HPSE2: variants seen among roughly 807,000 people sequenced by gnomAD.
The protein encoded by HPSE2 is inactive heparanase-2.
HPSE2 carries 38 observed loss-of-function variants against 60.5 expected under a neutral mutation model. The ratio of observed to expected loss-of-function variants is 0.63; its 90% CI spans 0.48 to 0.82. HPSE2 has a LOEUF of 0.82. Ranked by LOEUF, HPSE2 falls within the 40% of genes least tolerant of loss-of-function variation. The pLI, the probability that HPSE2 is intolerant of heterozygous loss-of-function variation, is 0.00. For missense variants in HPSE2, 713 were observed against 740.4 expected (o/e 0.96, Z 0.43); for synonymous variants, 295 against 293.2 (o/e 1.01, Z -0.06).
chr10:98,748,864 G>T (rs1165678741), intron 3 of HPSE2, among the ~76,000 whole-genome samples: 2 of 151,944 alleles, frequency 1.3e-5, no homozygotes, highest in East Asian at 3.9e-4. Context: ...GACAAACTGA[G>T]GAGGAAAAGG....
chr10:98,791,583 C>T lies in HPSE2; in HGVS notation c.611-47527G>A, dbSNP rs573731477. Among the ~76,000 whole-genome samples the T allele has an allele frequency of 5.3e-5, 8 of 152,306 alleles. No individual in the cohort carries two copies. In the East Asian group the frequency reaches 7.7e-4, roughly 15 times the overall value. On this transcript the variant is annotated intron_variant, in intron 3 of 11. Coordinates refer to ENST00000370552, the MANE Select transcript of HPSE2 (RefSeq NM_021828.5). The stretch of plus-strand genomic sequence containing the variant: ...ATATTTGACCAAAATACCTCTTAAA[C>T]GGCAATTGCCTCACATAAAAATATC...
At chr10:98,788,546 C>G (rs1263026101) in intron 3 of HPSE2, among the ~76,000 whole-genome samples, 3 of 151,562 alleles carry the variant, frequency 2.0e-5, no homozygotes, top group African/African-American at 4.8e-5. Context: ...CCCCCAGCCT[C>G]GTTGCCGCCT....
At chr10:99,088,105 C>G (rs1394813152) in intron 3 of HPSE2, among the ~76,000 whole-genome samples, 3 of 151,958 alleles carry the variant, frequency 2.0e-5, no homozygotes, top group African/African-American at 7.3e-5. Flanking sequence ...ATACTCCCAT[C>G]AGCTTGGAAT....
At position 99,118,295 on chromosome 10, in the gene HPSE2, G is replaced by A. The variant is rs559242973; in HGVS notation, c.610+25943C>T. Among the ~76,000 whole-genome samples, 7 of 152,170 alleles carry A rather than the reference G, an allele frequency of 4.6e-5. No homozygotes were observed. The East Asian group carries it at 1.4e-3, about 29-fold the overall frequency. On this transcript the variant is annotated intron_variant, in intron 3 of 11. Coordinates refer to ENST00000370552, the MANE Select transcript of HPSE2 (RefSeq NM_021828.5). ...TCCCAGCACTTTGGGAGGCCAAGGT[G>A]GGTGGATCACAAGGTCAGGAGATCG...
At chr10:98,796,453 G>C (rs921282933) in intron 3 of HPSE2, among the ~76,000 whole-genome samples, 2 of 152,202 alleles carry the variant, frequency 1.3e-5, no homozygotes, top group Admixed American at 1.3e-4. Flanking sequence ...GAAAAGCGGA[G>C]AGAAGAGTGG....
At chr10:99,002,663 G>A (rs149721374) in intron 3 of HPSE2, among the ~76,000 whole-genome samples, 5 of 152,158 alleles carry the variant, frequency 3.3e-5, no homozygotes, top group Middle Eastern at 3.4e-3. Flanking sequence ...AAATCTGGAT[G>A]AGATCCTGAA....
chr10:98,584,529 A>G (rs1399113697), intron 9 of HPSE2, among the ~76,000 whole-genome samples: 4 of 152,120 alleles, frequency 2.6e-5, no homozygotes, highest in African/African-American at 9.7e-5. Context: ...CAACCCCTCA[A>G]CAGAAAGTAG....
rs559327809 is a variant in HPSE2, at chr10:98,620,777, C to T, written c.1099-69G>A. ...AGCTATTCCCACATGAGAAGAAACA[C>T]ACATTCCCTTAAGGAAGTTGATCTG... On this transcript the variant is annotated intron_variant, in intron 7 of 11. Transcript: ENST00000370552. The T allele has an allele frequency of 9.8e-6, 10 of 1,018,516 alleles. No homozygotes were observed. In the Admixed American group the frequency reaches 1.6e-4, roughly 16 times the overall value. The allele number at this position is 1,018,516 out of a possible 1,614,324, so 63.1% of individuals were successfully genotyped here.
In HPSE2 at chr10:98,789,200, G is replaced by C. The variant is rs994361114; in HGVS notation, c.611-45144C>G. On this transcript the variant is annotated intron_variant, in intron 3 of 11. Coordinates refer to ENST00000370552, the MANE Select transcript of HPSE2 (RefSeq NM_021828.5). ...TTGTTGGATAAATGAATATAAAGAT[G>C]GTAACTTTAGCTGTGTGTAAAAAAT... Among the ~76,000 whole-genome samples, 33 of 152,274 alleles carry C rather than the reference G, an allele frequency of 2.2e-4. 2 individuals carry two copies. The South Asian group carries it at 6.8e-3, about 32-fold the overall frequency.
intron 3 of HPSE2, among the ~76,000 whole-genome samples, chr10:98,850,564 GTC>G (rs1952145912): frequency 6.6e-6 from 1 of 151,796 alleles, no homozygotes; most frequent in African/African-American, 2.4e-5. Flanking sequence ...GTGAAACCCC[GTC>G]TCTACTAAAA....
rs141070075 is a variant in HPSE2, at chr10:98,752,060, C to T, written c.611-8004G>A. The stretch of plus-strand genomic sequence containing the variant: ...TATTCCATGTATATTTTGGAGAGGA[C>T]AGGCTCCCTACTCACTGCTCTTAAT... On this transcript the variant is annotated intron_variant, in intron 3 of 11. Transcript: ENST00000370552. Among the ~76,000 whole-genome samples, 287 of 152,298 alleles carry T rather than the reference C, an allele frequency of 1.9e-3. 4 individuals carry two copies. The highest frequency in any genetic ancestry group is 6.6e-3 in the African/African-American group (274 of 41,576).
intron 4 of HPSE2, among the ~76,000 whole-genome samples, chr10:98,730,850 G>A (rs781458281): frequency 9.2e-5 from 14 of 152,154 alleles, no homozygotes; most frequent in East Asian, 3.9e-4. Context: ...GCCCAGATCC[G>A]TATGGATTAG....
chr10:99,241,488 A>G, the HPSE2 span, among the ~76,000 whole-genome samples: 2 of 152,226 alleles, frequency 1.3e-5, no homozygotes, highest in Non-Finnish European at 2.9e-5. Context: ...AATCAGGCAC[A>G]GTGGCTCATG....
At chr10:99,159,391 T>C (rs1273204179) in intron 2 of HPSE2, among the ~76,000 whole-genome samples, 2 of 152,102 alleles carry the variant, frequency 1.3e-5, no homozygotes, top group East Asian at 3.9e-4. Context: ...TTGTATGAGG[T>C]AGTTGCTTTT....
chr10:98,929,019 T>TAA (rs1425343217), intron 3 of HPSE2, among the ~76,000 whole-genome samples: 3 of 141,988 alleles, frequency 2.1e-5, no homozygotes, highest in South Asian at 4.3e-4. Flanking sequence ...AATAAATAAA[T>TAA]ATTTTTTAGT....
intron 3 of HPSE2, among the ~76,000 whole-genome samples, chr10:99,000,047 A>G (rs1956742266): frequency 6.6e-6 from 1 of 152,196 alleles, no homozygotes; most frequent in African/African-American, 2.4e-5. Flanking sequence ...AAATAAAAAT[A>G]AAAACAATCC....
At chr10:98,920,651 T>C (rs1403487876) in intron 3 of HPSE2, among the ~76,000 whole-genome samples, 1 of 152,156 alleles carries the variant, frequency 6.6e-6, no homozygotes, top group East Asian at 1.9e-4. Flanking sequence ...GGCCATATGT[T>C]CCATTCTAAC....
chr10:99,173,332 G>C (rs1167216211), intron 2 of HPSE2, among the ~76,000 whole-genome samples: 1 of 152,142 alleles, frequency 6.6e-6, no homozygotes, highest in Non-Finnish European at 1.5e-5. Flanking sequence ...TAAGAAAGAG[G>C]TAAGAAAGGT....
At chr10:99,060,311 C>T (rs577794572) in intron 3 of HPSE2, among the ~76,000 whole-genome samples, 12 of 152,118 alleles carry the variant, frequency 7.9e-5, no homozygotes, top group South Asian at 2.1e-4. Context: ...TGATTGTCCT[C>T]CACACAAGAA....
Sources: allele counts gnomAD v4.1 joint callset (sites outside exome capture counted in the v4.1 genomes callset), GRCh38; gene constraint gnomAD v4.1.1; transcripts MANE v1.5; gene names NCBI Gene and HGNC (gene_info 2026-07-23, HGNC 2026-07-21).